The following RSPH1 variants were observed in gnomAD, a reference collection of about 807,000 sequenced individuals.
The protein encoded by RSPH1 is radial spoke head 1 homolog.
RSPH1 carries 32 observed loss-of-function variants against 44.2 expected under a neutral mutation model. The observed-to-expected ratio is 0.72, with a 90% CI of 0.55 to 0.97. The LOEUF (loss-of-function observed/expected upper bound fraction) is 0.97. Among genes scored for constraint, RSPH1 ranks in the 50% least tolerant of loss-of-function variants. RSPH1 has a pLI of 0.00. For missense variants in RSPH1, 391 were observed against 398.7 expected (o/e 0.98, Z 0.16); for synonymous variants, 134 against 147.3 (o/e 0.91, Z 0.65).
Position 42,477,282 on chromosome 21 carries a change from G to A in RSPH1, c.727+9C>T, listed in dbSNP as rs772535691. 6 of 1,612,020 alleles carry A rather than the reference G, an allele frequency of 3.7e-6. No individual in the cohort carries two copies. The highest frequency in any genetic ancestry group is 1.3e-5 in the African/African-American group (1 of 74,828). ...CCCCTCCACCCCACAGCCCGGGGGT[G>A]CCCCACACTCTCAGCTCCTGGAGCG... is the stretch of plus-strand genomic sequence containing the variant. On this transcript the variant is annotated intron_variant, in intron 7 of 8. Transcript: ENST00000291536.
At chr21:42,485,835 G>T in intron 4 of RSPH1, 31 bp from the exon 5 acceptor site, 1 of 1,613,136 alleles carries the variant, frequency 6.2e-7, no homozygotes, top group Non-Finnish European at 8.5e-7. Flanking sequence ...ATGGTATTTC[G>T]TTCCAGCACA....
intron 4 of RSPH1, chr21:42,486,167 AG>A (rs1198282478): frequency 3.1e-5 from 18 of 587,314 alleles, no homozygotes; most frequent in Non-Finnish European, 5.2e-5. Flanking sequence ...GCCCCAACTG[AG>A]GTGCAGATGT....
chr21:42,490,238 G>T (rs1339895831), intron 3 of RSPH1, among the ~76,000 whole-genome samples: 1 of 152,078 alleles, frequency 6.6e-6, no homozygotes, highest in Non-Finnish European at 1.5e-5. Context: ...GCCTCTGCTG[G>T]CTCCTGGACT....
At position 42,486,077 on chromosome 21, in the gene RSPH1, G is replaced by A. The variant is rs555968313; in HGVS notation, c.366-273C>T. ...CCCAGGGAAGAGGCAGAGCTAGTGG[G>A]AGCTGTGGCTCAGGTCCCCCAGTGG... On this transcript the variant is annotated intron_variant, in intron 4 of 8. Transcript: ENST00000291536. The A allele has an allele frequency of 8.6e-6, 5 of 578,934 alleles. No homozygotes were observed. In the African/African-American group the frequency reaches 9.3e-5, roughly 11 times the overall value. The allele number at this position is 578,934 out of a possible 1,614,324, so 35.9% of individuals were successfully genotyped here. A position where few individuals can be genotyped will look rare whatever the true frequency, so the allele number is the denominator to read the frequency against.
Position 42,477,448 on chromosome 21 carries a change from T to C in RSPH1, c.574-4A>G. Reference sequence around the variant, plus strand: ...CCTCTTCCTCTTCTCCTCTTTCCTATTTTAAGTGCAAAAATGTACATTTAC... The same window carrying C: ...CCTCTTCCTCTTCTCCTCTTTCCTACTTTAAGTGCAAAAATGTACATTTAC... On this transcript the variant is annotated splice_polypyrimidine_tract_variant and splice_region_variant and intron_variant, in intron 6 of 8. Transcript: ENST00000291536. 2.5e-6 allele frequency: 4 copies of C among 1,613,498 alleles called. No individual in the cohort carries two copies. Among genetic ancestry groups the C allele is most frequent in the Non-Finnish European group, 3.4e-6 (4 of 1,179,524 alleles).
intron 6 of RSPH1, 38 bp downstream of exon 6, chr21:42,482,599 T>C: frequency 1.3e-6 from 2 of 1,482,432 alleles, no homozygotes; most frequent in Non-Finnish European, 1.9e-6. Flanking sequence ...GCTACTTCCC[T>C]GTTAATGTAA....
chr21:42,475,607 C>G (rs537504508), intron 8 of RSPH1, among the ~76,000 whole-genome samples: 1 of 148,022 alleles, frequency 6.8e-6, no homozygotes, highest in Non-Finnish European at 1.5e-5. Context: ...GAAAGCCAGG[C>G]TCTGCATGTC....
intron 6 of RSPH1, among the ~76,000 whole-genome samples, chr21:42,479,726 TACACACACACACAC>T (rs141751119): frequency 1.4e-5 from 2 of 145,148 alleles, no homozygotes; most frequent in South Asian, 2.2e-4. Context: ...TGTAGGAGGT[TACACACACACACAC>T]ACACACACAC....
In RSPH1 at chr21:42,490,090, T is replaced by C. The variant is rs116794769; in HGVS notation, c.274+2668A>G. 8.1e-3 allele frequency among the ~76,000 whole-genome samples: 1,228 copies of C among 152,094 alleles called. 21 individuals are homozygous for C. The highest frequency in any genetic ancestry group is 0.028 in the African/African-American group (1,141 of 41,432). On this transcript the variant is annotated intron_variant, in intron 3 of 8. Coordinates refer to ENST00000291536, the MANE Select transcript of RSPH1 (RefSeq NM_080860.4). ...ACCCTCAGCATCAGTACATGGGGTC[T>C]AGGCCTCCCCCACATCTGGCACCCA...
At chr21:42,489,304 A>ATTGG (rs2054212756) in intron 3 of RSPH1, among the ~76,000 whole-genome samples, 2 of 144,546 alleles carry the variant, frequency 1.4e-5, no homozygotes, top group South Asian at 4.5e-4. Context: ...TGGTTGGCTA[A>ATTGG]TTGGTTGGTT....
In RSPH1 at chr21:42,472,850, C is replaced by A; in HGVS notation, c.898G>T (p.Glu300Ter). Reference sequence around the variant, plus strand: ...TGGAGGTCTGACTGTCTAGTTTCTTCTTCTTCAGAATTAATGTTTCCTGAA... The same window carrying A: ...TGGAGGTCTGACTGTCTAGTTTCTTATTCTTCAGAATTAATGTTTCCTGAA... ...MDEGNINSEEEETRQSDLQD is the reference protein window; with the variant it reads ...MDEGNINSEE Residue 300 changes from glutamate to a stop codon, truncating the protein, a stop_gained, in exon 9 of 9, where the codon GAA becomes TAA. Transcript: ENST00000291536. LOFTEE classifies it high-confidence loss of function. The A allele has an allele frequency of 6.2e-7, 1 of 1,608,588 alleles. No individual in the cohort carries two copies. Among genetic ancestry groups the A allele is most frequent in the Admixed American group, 1.7e-5 (1 of 59,948 alleles).
Position 42,473,968 on chromosome 21 carries a change from G to C in RSPH1, c.878-1098C>G, listed in dbSNP as rs564474249. Reference sequence around the variant, plus strand: ...TCCAAGGCTGGTGCATGAACCCACAGTCTCAGACGCCCGCTGGTACTGGGC... The same window carrying C: ...TCCAAGGCTGGTGCATGAACCCACACTCTCAGACGCCCGCTGGTACTGGGC... On this transcript the variant is annotated intron_variant, in intron 8 of 8. Transcript: ENST00000291536. 2.0e-5 allele frequency among the ~76,000 whole-genome samples: 3 copies of C among 152,302 alleles called. No individual in the cohort carries two copies. In the East Asian group the frequency reaches 5.8e-4, roughly 29 times the overall value.
At chr21:42,480,978 A>G (rs1267914771) in intron 6 of RSPH1, among the ~76,000 whole-genome samples, 1 of 152,230 alleles carries the variant, frequency 6.6e-6, no homozygotes, top group African/African-American at 2.4e-5. Flanking sequence ...CGAGGGACAC[A>G]GCAACAAAAA....
intron 8 of RSPH1, among the ~76,000 whole-genome samples, chr21:42,475,664 A>G (rs1375905209): frequency 7.0e-6 from 1 of 141,862 alleles, no homozygotes; most frequent in East Asian, 2.1e-4. Flanking sequence ...GACAACGCGC[A>G]TGGGCACCGC....
chr21:42,485,388 C>G, intron 5 of RSPH1: 1 of 432,732 alleles, frequency 2.3e-6, no homozygotes, highest in Non-Finnish European at 4.2e-6. Flanking sequence ...GGTTCAGATG[C>G]CCTCTCGTGT....
Position 42,486,473 on chromosome 21 carries a change from A to G in RSPH1, c.275-12T>C. 1 of 1,603,166 alleles carries G rather than the reference A, an allele frequency of 6.2e-7. No individual in the cohort carries two copies. Among genetic ancestry groups the G allele is most frequent in the Non-Finnish European group, 8.5e-7 (1 of 1,169,952 alleles). On this transcript the variant is annotated splice_polypyrimidine_tract_variant and intron_variant, in intron 3 of 8. Coordinates refer to ENST00000291536, the MANE Select transcript of RSPH1 (RefSeq NM_080860.4). ...ATTTGCCCACTCTCCTGAAAGGAAC[A>G]ACACAAAGGCAAGCCCAGGTGAGAA...
At chr21:42,495,875 C>T in intron 1 of RSPH1, 1 of 511,908 alleles carries the variant, frequency 2.0e-6, no homozygotes, top group Non-Finnish European at 3.5e-6. Flanking sequence ...AAATCTTTGC[C>T]TTTAATGGGA....
chr21:42,492,435 C>T (rs975646203), intron 3 of RSPH1, among the ~76,000 whole-genome samples: 4 of 152,290 alleles, frequency 2.6e-5, no homozygotes, highest in Non-Finnish European at 5.9e-5. Flanking sequence ...AGATGAATGC[C>T]GCAGAGCAGC....
chr21:42,492,918 CAGAGT>C (rs770611918), intron 2 of RSPH1, 43 bp downstream of exon 2: 1 of 1,588,072 alleles, frequency 6.3e-7, no homozygotes, highest in African/African-American at 1.3e-5. Context: ...CATTTGCTAA[CAGAGT>C]ATTAAATAGA....
Sources: allele counts gnomAD v4.1 joint callset (sites outside exome capture counted in the v4.1 genomes callset), GRCh38; gene constraint gnomAD v4.1.1; transcripts MANE v1.5; gene names NCBI Gene and HGNC (gene_info 2026-07-23, HGNC 2026-07-21).